TCIRG1: variants seen among roughly 807,000 people sequenced by gnomAD.
The protein encoded by TCIRG1 is T cell immune regulator 1, ATPase H+ transporting V0 subunit a3, also known as V-type proton ATPase 116 kDa subunit a 3.
A neutral mutation model predicts 95.5 loss-of-function variants in TCIRG1; 86 were observed. The ratio of observed to expected loss-of-function variants is 0.90; its 90% CI spans 0.76 to 1.08. TCIRG1 has a LOEUF of 1.08. Among genes scored for constraint, TCIRG1 ranks in the 50% least tolerant of loss-of-function variants. TCIRG1 has a pLI of 0.00. For synonymous variants in TCIRG1, 499 were observed against 501.3 expected (o/e 1.00, Z 0.06); for missense variants, 1,069 against 1,140.2 (o/e 0.94, Z 0.90).
At position 68,041,606 on chromosome 11, in the gene TCIRG1, C is replaced by T. The variant is rs1355973703; in HGVS notation, c.118-147C>T. 3 of 763,250 alleles carry T rather than the reference C, an allele frequency of 3.9e-6. No homozygotes were observed. In the Admixed American group the frequency reaches 6.1e-5, roughly 16 times the overall value. The allele number at this position is 763,250 out of a possible 1,614,324, so 47.3% of individuals were successfully genotyped here. Reference sequence around the variant, plus strand: ...TGGGGCATGGGGTCTGGTCTGTGCTCTGATCTGCGTCTTGTGGCTCCCAGG... The same window carrying T: ...TGGGGCATGGGGTCTGGTCTGTGCTTTGATCTGCGTCTTGTGGCTCCCAGG... On this transcript the variant is annotated intron_variant, in intron 2 of 19. Coordinates refer to ENST00000265686, the MANE Select transcript of TCIRG1 (RefSeq NM_006019.4).
intron 9 of TCIRG1, chr11:68,044,744 T>G: frequency 3.1e-6 from 2 of 643,398 alleles, no homozygotes; most frequent in South Asian, 3.8e-5. Context: ...GGAGGCAGCA[T>G]GCTTGCCTTT....
Position 68,047,549 on chromosome 11 carries a change from G to T in TCIRG1, c.1282G>T (p.Ala428Ser). Residue 428 changes from alanine (A) to serine (S), a missense_variant, in exon 11 of 20, where the codon GCT becomes TCT. Transcript: ENST00000265686. ...LAMVLAENRP[A>S]VKAAQNEIWQ... The stretch of plus-strand genomic sequence containing the variant: ...CATGGTCCTTGCGGAGAACCGACCG[G>T]CTGTGAAGGCCGCGCAGAACGAGGT... 1 of 1,613,872 alleles carries T rather than the reference G, an allele frequency of 6.2e-7. No homozygotes were observed. Among genetic ancestry groups the T allele is most frequent in the Non-Finnish European group, 8.5e-7 (1 of 1,180,014 alleles).
rs753440883 is a variant in TCIRG1, at chr11:68,050,752, A to G, written c.2426A>G (p.Gln809Arg). The change falls in exon 20 of 20, where the codon CAG becomes CGG. Residue 809 changes from glutamine to arginine, a missense_variant. Gln to Arg is a conservative substitution (Grantham distance 43, BLOSUM62 1). Transcript: ENST00000265686. ...CTTCTCACCCCCAGGGTGGAATTCC[A>G]GAACAAGTTCTACTCAGGCACGGGC... ...HALRLHWVEF[Q>R]NKFYSGTGYK... 6 of 1,613,824 alleles carry G rather than the reference A, an allele frequency of 3.7e-6. No individual in the cohort carries two copies. The highest frequency in any genetic ancestry group is 5.1e-6 in the Non-Finnish European group (6 of 1,180,032).
chr11:68,041,872 G>A, intron 3 of TCIRG1, 41 bp downstream of exon 3: 3 of 1,545,236 alleles, frequency 1.9e-6, no homozygotes, highest in African/African-American at 1.4e-5. Flanking sequence ...AGGCTTCCTG[G>A]AGGAGGCATG....
At chr11:68,044,394 C>T (rs1209749854) in intron 9 of TCIRG1, 50 bp downstream of exon 9, 2 of 1,453,668 alleles carry the variant, frequency 1.4e-6, no homozygotes, top group Admixed American at 3.9e-5. Flanking sequence ...TCCTACCAGG[C>T]CGGGGCGTTT....
chr11:68,051,011 A>G, downstream of TCIRG1: 2 of 661,772 alleles, frequency 3.0e-6, no homozygotes, highest in Non-Finnish European at 5.3e-6. Context: ...GATCTGCAAT[A>G]ATGTCAGACT....
At chr11:68,048,242 T>A (rs1325527283) in intron 13 of TCIRG1, 17 of 576,206 alleles carry the variant, frequency 3.0e-5, no homozygotes, top group Non-Finnish European at 5.3e-5. Context: ...AGCCTGCAGC[T>A]TGCACTGTGC....
chr11:68,047,722 T>C lies in TCIRG1; in HGVS notation c.1381T>C (p.Tyr461His), dbSNP rs1565160546. 2 of 1,613,452 alleles carry C rather than the reference T, an allele frequency of 1.2e-6. No homozygotes were observed. Among genetic ancestry groups the C allele is most frequent in the East Asian group, 4.5e-5 (2 of 44,874 alleles). Residue 461 changes from tyrosine to histidine, a missense_variant, in exon 12 of 20, where the codon TAC (tyrosine) becomes CAC (histidine). Coordinates refer to ENST00000265686, the MANE Select transcript of TCIRG1 (RefSeq NM_006019.4). Reference protein sequence around the residue: ...GLFSIYTGFIYNECFSRATSI... With the variant: ...GLFSIYTGFIHNECFSRATSI... ...GTTCTCCATCTACACCGGCTTCATC[T>C]ACAACGAGTGCTTCAGTCGCGCCAC...
intron 9 of TCIRG1, 30 bp from the exon 10 acceptor site, chr11:68,044,928 G>T: frequency 6.2e-7 from 1 of 1,604,500 alleles, no homozygotes. Context: ...CCCCGCCACC[G>T]TTCTGGTCTG....
intron 1 of TCIRG1, 145 bp from the exon 2 acceptor site, chr11:68,041,123 T>G: frequency 1.4e-6 from 1 of 711,646 alleles, no homozygotes. Flanking sequence ...GCATCAAGCC[T>G]GCCCAGGCCT....
Position 68,043,355 on chromosome 11 carries a change from G to C in TCIRG1, c.504-16G>C. On this transcript the variant is annotated splice_polypyrimidine_tract_variant and intron_variant, in intron 5 of 19. Coordinates refer to ENST00000265686, the MANE Select transcript of TCIRG1 (RefSeq NM_006019.4). ...CAGGAGGTTGGAGCAGCCCTGCCCA[G>C]CCCCGTGGCCGCCAGCTTTGTGGCA... 6.5e-7 allele frequency: 1 copy of C among 1,538,830 alleles called. No individual in the cohort carries two copies. The highest frequency in any genetic ancestry group is 8.7e-7 in the Non-Finnish European group (1 of 1,146,392).
intron 1 of TCIRG1, 63 bp downstream of exon 1, chr11:68,039,182 C>T (rs1200460463): frequency 1.3e-5 from 2 of 152,260 alleles, no homozygotes. Flanking sequence ...TTCCCCCTGC[C>T]CCGGGGAGGA....
At position 68,042,684 on chromosome 11, in the gene TCIRG1, C is replaced by G. The variant is rs1266896439; in HGVS notation, c.238C>G (p.Pro80Ala). The part of the protein sequence containing the change: ...EEVRRAGLVL[P>A]PPKGRLPAPP... ...GGTGCGGCGGGCTGGGCTGGTCCTG[C>G]CCCCGCCAAAGGGGAGGCTGCCGGC... Residue 80 changes from proline (P) to alanine (A), a missense_variant, in exon 4 of 20, where the codon CCC (proline) becomes GCC (alanine). Physicochemically the swap from Pro to Ala is conservative, Grantham distance 27. Coordinates refer to ENST00000265686, the MANE Select transcript of TCIRG1 (RefSeq NM_006019.4). The G allele has an allele frequency of 6.5e-7, 1 of 1,546,106 alleles. No individual in the cohort carries two copies. The highest frequency in any genetic ancestry group is 1.4e-5 in the African/African-American group (1 of 72,910).
Position 68,045,257 on chromosome 11 carries a change from T to C in TCIRG1, c.1165+155T>C, listed in dbSNP as rs1283679755. ...CATCACTCTCAAGGGGCTGTTGGGC[T>C]CTGCAGCCAGTGTGAGGCTTTATGT... is the stretch of plus-strand genomic sequence containing the variant. On this transcript the variant is annotated intron_variant, in intron 10 of 19. Transcript: ENST00000265686. Among the ~76,000 whole-genome samples the C allele has an allele frequency of 4.6e-5, 7 of 152,366 alleles. No homozygotes were observed. In the East Asian group the frequency reaches 1.4e-3, roughly 29 times the overall value.
In TCIRG1 at chr11:68,045,040, C is replaced by T. The variant is rs373988992; in HGVS notation, c.1103C>T (p.Thr368Met). 5.0e-6 allele frequency: 8 copies of T among 1,606,872 alleles called. No homozygotes were observed. Among genetic ancestry groups the T allele is most frequent in the Admixed American group, 1.7e-5 (1 of 60,034 alleles). ...PPTLIRTNRF[T>M]ASFQGIVDAY... Reference sequence around the variant, plus strand: ...ACACTCATCCGCACCAACCGCTTCACGGCCAGCTTCCAGGGCATCGTGGAT... The same window carrying T: ...ACACTCATCCGCACCAACCGCTTCATGGCCAGCTTCCAGGGCATCGTGGAT... Residue 368 changes from threonine (T) to methionine (M), a missense_variant, in exon 10 of 20, where the codon ACG (threonine) becomes ATG (methionine). Physicochemically the swap from Thr to Met is moderately conservative, Grantham distance 81 (BLOSUM62 -1). Coordinates refer to ENST00000265686, the MANE Select transcript of TCIRG1 (RefSeq NM_006019.4).
In TCIRG1 at chr11:68,042,984, G is replaced by A. The variant is rs766333949; in HGVS notation, c.456G>A (p.Thr152=). The change falls in exon 5 of 20, where the codon ACG becomes ACA. Residue 152 remains threonine, a synonymous_variant. Coordinates refer to ENST00000265686, the MANE Select transcript of TCIRG1 (RefSeq NM_006019.4). ...AAHTDGASER[T]PLLQAPGGPH... is the part of the protein sequence containing the mutation. Reference sequence around the variant, plus strand: ...ACACAGATGGGGCCTCAGAGAGGACGCCCCTGCTCCAGGCCCCCGGGGGGC... The same window carrying A: ...ACACAGATGGGGCCTCAGAGAGGACACCCCTGCTCCAGGCCCCCGGGGGGC... The A allele has an allele frequency of 2.1e-5, 33 of 1,554,846 alleles. No individual in the cohort carries two copies. Among genetic ancestry groups the A allele is most frequent in the Non-Finnish European group, 2.4e-5 (28 of 1,149,308 alleles).
Position 68,043,426 on chromosome 11 carries a change from T to C in TCIRG1, c.559T>C (p.Trp187Arg). 1.9e-6 allele frequency: 3 copies of C among 1,545,748 alleles called. No individual in the cohort carries two copies. Among genetic ancestry groups the C allele is most frequent in the Non-Finnish European group, 2.6e-6 (3 of 1,146,786 alleles). ...HKAPALERLL[W>R]RACRGFLIAS... Reference sequence around the variant, plus strand: ...GGCCCCTGCCCTAGAGCGCCTGCTCTGGAGGGCCTGCCGCGGCTTCCTCAT... The same window carrying C: ...GGCCCCTGCCCTAGAGCGCCTGCTCCGGAGGGCCTGCCGCGGCTTCCTCAT... Residue 187 changes from tryptophan (W) to arginine (R), a missense_variant, in exon 6 of 20, where the codon TGG becomes CGG. By Grantham distance (101) the Trp-to-Arg change is moderately radical (BLOSUM62 -3). Transcript: ENST00000265686.
In TCIRG1 at chr11:68,047,769, G is replaced by T; in HGVS notation, c.1428G>T (p.Trp476Cys). The change falls in exon 12 of 20, where the codon TGG (tryptophan) becomes TGT (cysteine). Residue 476 changes from tryptophan (W) to cysteine (C), a missense_variant. Trp to Cys is a radical substitution (Grantham distance 215). Transcript: ENST00000265686. ...SRATSIFPSGWSVAAMANQSG... is the reference protein window; with the variant it reads ...SRATSIFPSGCSVAAMANQSG... ...CCACCAGCATCTTCCCCTCGGGCTGGAGTGTGGCCGCCATGGCCAACCAGT... is the reference window on the plus strand; with the variant it reads ...CCACCAGCATCTTCCCCTCGGGCTGTAGTGTGGCCGCCATGGCCAACCAGT... 1 of 1,613,124 alleles carries T rather than the reference G, an allele frequency of 6.2e-7. No homozygotes were observed. The highest frequency in any genetic ancestry group is 1.1e-5 in the South Asian group (1 of 91,088).
chr11:68,041,518 T>C (rs1202142311), intron 2 of TCIRG1, 130 bp downstream of exon 2: 2 of 774,636 alleles, frequency 2.6e-6, no homozygotes, highest in Admixed American at 4.4e-5. Flanking sequence ...GCCCCTGCCA[T>C]GGGCACTGCT....
Sources: gnomAD v4.1 joint callset for allele counts (sites outside exome capture counted in the v4.1 genomes callset) on GRCh38, gnomAD v4.1.1 for gene constraint, MANE v1.5 for transcripts, NCBI Gene and HGNC (gene_info 2026-07-23, HGNC 2026-07-21) for gene names.